Variants in GPCPD1 observed in about 807,000 individuals in gnomAD.
The protein encoded by GPCPD1 is glycerophosphocholine phosphodiesterase GPCPD1.
GPCPD1 carries 29 observed loss-of-function variants against 89.2 expected under a neutral mutation model. The ratio of observed to expected loss-of-function variants is 0.33; its 90% confidence interval spans 0.24 to 0.44. The LOEUF (loss-of-function observed/expected upper bound fraction) is 0.44. Ranked by LOEUF, GPCPD1 falls within the 20% of genes least tolerant of loss-of-function variation. GPCPD1 has a pLI of 1.00. For synonymous variants in GPCPD1, 258 were observed against 266.3 expected (o/e 0.97, Z 0.30); for missense variants, 594 against 808.9 (o/e 0.73, Z 3.22).
In GPCPD1 at chr20:5,557,931, T is replaced by A; in HGVS notation, c.1829+14A>T. ...TTCTAAATTCCATGAAAATTTTTCA[T>A]GAAAAACAAATACCTATCATAAATT... On this transcript the variant is annotated intron_variant, in intron 19 of 19. Transcript: ENST00000379019. 1 of 1,439,414 alleles carries A rather than the reference T, an allele frequency of 6.9e-7. No individual in the cohort carries two copies. Among genetic ancestry groups the A allele is most frequent in the Non-Finnish European group, 9.6e-7 (1 of 1,045,406 alleles). The allele number at this position is 1,439,414 out of a possible 1,614,324, so 89.2% of individuals were successfully genotyped here.
In GPCPD1 at chr20:5,581,814, CTTTTTTTTTTTTTTTTT is replaced by C. The variant is rs11479995; in HGVS notation, c.350-1700_350-1684del. 2.5e-4 allele frequency among the ~76,000 whole-genome samples: 19 copies of C among 75,030 alleles called. 2 individuals are homozygous for C. The highest frequency in any genetic ancestry group is 1.8e-3 in the South Asian group (4 of 2,278). 49.2% of individuals were successfully genotyped at this position (75,030 alleles called of 152,430 possible). A position where few individuals can be genotyped will look rare whatever the true frequency, so the allele number is the denominator to read the frequency against. Reference sequence around the variant, plus strand: ...ATGCTTAATAATTGTGGGACTTTAACTTTTTTTTTTTTTTTTTTTTTTTTTTTTTTTTTGCAGAAAAG... The same window carrying C: ...ATGCTTAATAATTGTGGGACTTTAACTTTTTTTTTTTTTTTTGCAGAAAAG... On this transcript the variant is annotated intron_variant, in intron 6 of 19. Transcript: ENST00000379019.
chr20:5,566,806 G>C, intron 13 of GPCPD1, 34 bp from the exon 14 acceptor site: 1 of 1,430,662 alleles, frequency 7.0e-7, no homozygotes, highest in East Asian at 2.3e-5. Context: ...AAATCAGAAA[G>C]GAAGCCTTAG....
intron 9 of GPCPD1, 38 bp downstream of exon 9, chr20:5,575,778 C>T (rs1357639552): frequency 7.9e-6 from 11 of 1,396,468 alleles, no homozygotes; most frequent in African/African-American, 1.4e-5. Context: ...AAAATTCTAA[C>T]TTAACCTTGG....
At chr20:5,549,489 C>CAGAAGGTGT in intron 19 of GPCPD1, 1 of 1,187,424 alleles carries the variant, frequency 8.4e-7, no homozygotes, top group Non-Finnish European at 1.2e-6. Context: ...TAAGAAGACA[C>CAGAAGGTGT]CTTCTGAGTA....
chr20:5,607,407 A>G (rs1290451877), intron 1 of GPCPD1, among the ~76,000 whole-genome samples: 1 of 151,840 alleles, frequency 6.6e-6, no homozygotes, highest in Non-Finnish European at 1.5e-5. Flanking sequence ...CCTGGCCAAC[A>G]TCTCTACTAA....
intron 1 of GPCPD1, among the ~76,000 whole-genome samples, chr20:5,609,848 G>GAAA (rs11481644): frequency 9.0e-4 from 123 of 136,620 alleles, no homozygotes; most frequent in Middle Eastern, 4.0e-3. Flanking sequence ...TAGGAATTTT[G>GAAA]AAAAAAAAAA....
At chr20:5,580,969 G>A (rs761839927) in intron 6 of GPCPD1, among the ~76,000 whole-genome samples, 8 of 151,582 alleles carry the variant, frequency 5.3e-5, no homozygotes, top group Non-Finnish European at 1.0e-4. Flanking sequence ...CACTTCCCAG[G>A]TTCAAGAGAT....
At chr20:5,610,094 A>T (rs570104453) in intron 1 of GPCPD1, among the ~76,000 whole-genome samples, 14 of 152,302 alleles carry the variant, frequency 9.2e-5, no homozygotes, top group African/African-American at 3.4e-4. Context: ...AATCCTCTAC[A>T]ATTCATGCCC....
chr20:5,569,231 T>G (rs766820990), intron 12 of GPCPD1, among the ~76,000 whole-genome samples: 2 of 152,160 alleles, frequency 1.3e-5, no homozygotes, highest in Admixed American at 1.3e-4. Context: ...TGATTAAAAT[T>G]CACCAGCAGG....
intron 1 of GPCPD1, among the ~76,000 whole-genome samples, chr20:5,609,848 GA>G (rs11481644): frequency 0.02 from 2,748 of 136,576 alleles, 65 homozygotes; most frequent in African/African-American, 0.067. Flanking sequence ...TAGGAATTTT[GA>G]AAAAAAAAAA....
intron 3 of GPCPD1, among the ~76,000 whole-genome samples, chr20:5,596,270 T>C (rs573392109): frequency 1.2e-4 from 18 of 152,068 alleles, no homozygotes; most frequent in Non-Finnish European, 2.2e-4. Context: ...CATGATGGTG[T>C]ACACCTAGCT....
chr20:5,585,098 G>A (rs1978823125), intron 5 of GPCPD1: 2 of 152,094 alleles, frequency 1.3e-5, no homozygotes, highest in Non-Finnish European at 2.9e-5. Flanking sequence ...CTAAAAGATA[G>A]AAACAAAATC....
rs1458622414 is a variant in GPCPD1 at position 5,545,682 on chromosome 20, C to T, written c.*1979G>A. On this transcript the variant is annotated 3_prime_UTR_variant, in exon 20 of 20. Coordinates refer to ENST00000379019, the MANE Select transcript of GPCPD1 (RefSeq NM_019593.5). Reference sequence around the variant, plus strand: ...GTCCTGTGAAAATAAGGAGCCATTGCTTGTCATGTTTTAATCATCTACTAA... The same window carrying T: ...GTCCTGTGAAAATAAGGAGCCATTGTTTGTCATGTTTTAATCATCTACTAA... 1 of 152,230 alleles carries T rather than the reference C, an allele frequency of 6.6e-6. No individual in the cohort carries two copies. Among genetic ancestry groups the T allele is most frequent in the African/African-American group, 2.4e-5 (1 of 41,444 alleles). The allele number at this position is 152,230 out of a possible 1,614,324, so 9.4% of individuals were successfully genotyped here.
chr20:5,558,855 G>A, intron 17 of GPCPD1, 36 bp from the exon 18 acceptor site: 1 of 1,472,318 alleles, frequency 6.8e-7, no homozygotes, highest in Non-Finnish European at 9.2e-7. Flanking sequence ...CCTTTCAATG[G>A]GGGGTAACTG....
intron 10 of GPCPD1, among the ~76,000 whole-genome samples, chr20:5,574,582 C>CA (rs1250989189): frequency 6.6e-6 from 1 of 151,716 alleles, no homozygotes; most frequent in African/African-American, 2.4e-5. Flanking sequence ...AGAAAAATAC[C>CA]AAAAAAATAG....
At chr20:5,580,552 C>T (rs1291612220) in intron 6 of GPCPD1, among the ~76,000 whole-genome samples, 4 of 151,698 alleles carry the variant, frequency 2.6e-5, no homozygotes, top group Non-Finnish European at 5.9e-5. Flanking sequence ...GGTGAAGCCC[C>T]GTCTCTACTA....
At chr20:5,548,065 G>A (rs1351246285) in intron 19 of GPCPD1, among the ~76,000 whole-genome samples, 1 of 152,104 alleles carries the variant, frequency 6.6e-6, no homozygotes, top group African/African-American at 2.4e-5. Flanking sequence ...TAGCAGCATT[G>A]CCCTTTTGTA....
intron 3 of GPCPD1, among the ~76,000 whole-genome samples, chr20:5,596,127 C>A (rs1231267921): frequency 6.6e-6 from 1 of 152,066 alleles, no homozygotes; most frequent in Admixed American, 6.5e-5. Flanking sequence ...GAACCAGAAC[C>A]CAGGCATAGT....
At chr20:5,588,101 T>C (rs1473441992) in intron 4 of GPCPD1, among the ~76,000 whole-genome samples, 1 of 152,244 alleles carries the variant, frequency 6.6e-6, no homozygotes, top group African/African-American at 2.4e-5. Flanking sequence ...TTCGTATCCA[T>C]TATACTAAAA....
Sources: allele counts gnomAD v4.1 joint callset (sites outside exome capture counted in the v4.1 genomes callset), GRCh38; gene constraint gnomAD v4.1.1; transcripts MANE v1.5; gene names NCBI Gene and HGNC (gene_info 2026-07-23, HGNC 2026-07-21).